SYNJ1: variants seen among roughly 807,000 people sequenced by gnomAD.
The protein encoded by SYNJ1 is synaptojanin 1, also known as polyphosphatidylinositol phosphatase SYNJ1.
In SYNJ1, 78 loss-of-function variants were observed where a neutral mutation model predicts 168.2. The observed-to-expected ratio is 0.46, with a 90% confidence interval of 0.39 to 0.56. SYNJ1 has a LOEUF of 0.56. Ranked by LOEUF, SYNJ1 falls within the 20% of genes least tolerant of loss-of-function variation. SYNJ1 has a pLI of 0.00. For missense variants in SYNJ1, 1,303 were observed against 1,597.6 expected, an observed-to-expected ratio of 0.82 and a Z score of 3.14; for synonymous variants, 539 against 548.6, an observed-to-expected ratio of 0.98 and a Z score of 0.24.
chr21:32,659,967 G>A (rs1021585450), intron 18 of SYNJ1, among the ~76,000 whole-genome samples: 3 of 152,182 alleles, frequency 2.0e-5, no homozygotes, highest in African/African-American at 4.8e-5. Flanking sequence ...GAGCACTTCC[G>A]GGTAGGTAAT....
chr21:32,725,698 A>G (rs1011038760), intron 2 of SYNJ1, among the ~76,000 whole-genome samples: 1 of 152,176 alleles, frequency 6.6e-6, no homozygotes, highest in Non-Finnish European at 1.5e-5. Context: ...TAGTAGTTTA[A>G]GATATTTAAG....
intron 3 of SYNJ1, among the ~76,000 whole-genome samples, chr21:32,701,433 C>A (rs931334557): frequency 6.6e-6 from 1 of 151,250 alleles, no homozygotes; most frequent in Non-Finnish European, 1.5e-5. Flanking sequence ...GGATCAATAA[C>A]AAAATGATTT....
chr21:32,666,159 C>T (rs563431502), intron 16 of SYNJ1, 24 bp from the exon 17 acceptor site: 31 of 1,571,150 alleles, frequency 2.0e-5, no homozygotes, highest in Non-Finnish European at 2.2e-5. Context: ...AATTCTAAAT[C>T]GCAGATTTGA....
intron 22 of SYNJ1, among the ~76,000 whole-genome samples, chr21:32,650,591 G>A (rs1456993636): frequency 6.6e-6 from 1 of 152,222 alleles, no homozygotes; most frequent in Non-Finnish European, 1.5e-5. Flanking sequence ...GCCCAGAGAT[G>A]CAAGTTTCCT....
intron 26 of SYNJ1, 139 bp downstream of exon 26, chr21:32,644,829 T>C: frequency 3.2e-6 from 3 of 943,734 alleles, no homozygotes; most frequent in Non-Finnish European, 4.7e-6. Context: ...ATGAAAGCCT[T>C]TATTAGTTTT....
intron 22 of SYNJ1, 115 bp from the exon 23 acceptor site, chr21:32,650,461 C>T: frequency 2.4e-6 from 2 of 817,864 alleles, no homozygotes; most frequent in Non-Finnish European, 3.6e-6. Context: ...TTTAGTTAGA[C>T]AATTCAGCTA....
At chr21:32,709,731 T>C (rs565867698) in intron 2 of SYNJ1, among the ~76,000 whole-genome samples, 151 of 151,818 alleles carry the variant, frequency 9.9e-4, no homozygotes, top group African/African-American at 3.5e-3. Flanking sequence ...TTGGCTAGGC[T>C]GGTCTTGAAC....
rs931173780 is a variant in SYNJ1, at chr21:32,673,732, T to TA, written c.1535-202dup. ...ATGAGGCAATTAACCAACACATCTTTAAAAAAAAAAAAAAGTCAACATTAA... is the reference window on the plus strand; with the variant it reads ...ATGAGGCAATTAACCAACACATCTTTAAAAAAAAAAAAAAAGTCAACATTAA... On this transcript the variant is annotated intron_variant, in intron 13 of 32. Coordinates refer to ENST00000674351, the MANE Select transcript of SYNJ1 (RefSeq NM_203446.3). Among the ~76,000 whole-genome samples the TA allele has an allele frequency of 8.0e-3, 1,034 of 128,962 alleles. 5 individuals are homozygous for TA. Among genetic ancestry groups the TA allele is most frequent in the Middle Eastern group, 0.012 (3 of 248 alleles). The allele number at this position is 128,962 out of a possible 152,430, so 84.6% of individuals were successfully genotyped here.
intron 2 of SYNJ1, among the ~76,000 whole-genome samples, chr21:32,722,189 G>GA (rs869294126): frequency 0.015 from 1,639 of 112,482 alleles, 22 homozygotes; most frequent in Non-Finnish European, 0.021. Flanking sequence ...CCATCTCAAA[G>GA]AAAAAAAAAA....
At position 32,656,880 on chromosome 21, in the gene SYNJ1, T is replaced by C. The variant is rs2040477379; in HGVS notation, c.2602A>G (p.Ile868Val). Residue 868 changes from isoleucine to valine, a missense_variant, in exon 21 of 33, where the codon ATA (isoleucine) becomes GTA (valine). Physicochemically the swap from Ile to Val is conservative, Grantham distance 29. Around this residue, in one of 2 missense-constraint regions of SYNJ1, gnomAD observed 920 missense variants for 1,208.8 expected, o/e 0.76. Transcript: ENST00000674351. ...DHRPVVALID[I>V]DIFEVEAEER... ...TCAGCTTCAACTTCAAATATATCTA[T>C]ATCAATCAGGGCAACGACAGGCCTT... The C allele has an allele frequency of 1.9e-6, 3 of 1,614,038 alleles. No individual in the cohort carries two copies. The highest frequency in any genetic ancestry group is 2.7e-5 in the African/African-American group (2 of 74,936).
At chr21:32,634,528 C>A (rs550887720) in intron 32 of SYNJ1, among the ~76,000 whole-genome samples, 12 of 152,126 alleles carry the variant, frequency 7.9e-5, no homozygotes, top group Admixed American at 3.3e-4. Flanking sequence ...ACATAAATGC[C>A]ATTGTTAAAA....
At chr21:32,725,239 C>A (rs2043402696) in intron 2 of SYNJ1, among the ~76,000 whole-genome samples, 1 of 152,132 alleles carries the variant, frequency 6.6e-6, no homozygotes. Flanking sequence ...CCAAAAAACA[C>A]AAGCAGCTGA....
rs945291627 is a variant in SYNJ1 at position 32,643,967 on chromosome 21, G to C, written c.3431-510C>G. 4.6e-5 allele frequency among the ~76,000 whole-genome samples: 7 copies of C among 152,176 alleles called. No individual in the cohort carries two copies. The East Asian group carries it at 1.3e-3, about 29-fold the overall frequency. On this transcript the variant is annotated intron_variant, in intron 26 of 32. Coordinates refer to ENST00000674351, the MANE Select transcript of SYNJ1 (RefSeq NM_203446.3). ...CATGTTGCAAACACTACTTACAAAA[G>C]AATTATGAAGGGGAGCAATTTTTAA...
chr21:32,685,315 G>A (rs1432624536), intron 9 of SYNJ1, among the ~76,000 whole-genome samples: 1 of 150,622 alleles, frequency 6.6e-6, no homozygotes, highest in Non-Finnish European at 1.5e-5. Flanking sequence ...GGATGGGTGA[G>A]ATGGCTCATG....
At chr21:32,698,034 T>C (rs893070489) in intron 4 of SYNJ1, among the ~76,000 whole-genome samples, 2 of 152,314 alleles carry the variant, frequency 1.3e-5, no homozygotes, top group East Asian at 3.9e-4. Flanking sequence ...GTTTTAACTC[T>C]TGGAAGCCTA....
rs1216706794 is a variant in SYNJ1, at chr21:32,726,935, A to T, written c.-22-18T>A. On this transcript the variant is annotated intron_variant, in intron 1 of 32. Transcript: ENST00000674351. ...AGGCAGCCCTGCGAAAACCAAGCAA[A>T]GCAAAGCAAATGAAGCTGATGTTTC... 3 of 1,612,776 alleles carry T rather than the reference A, an allele frequency of 1.9e-6. No homozygotes were observed. In the South Asian group the frequency reaches 3.3e-5, roughly 18 times the overall value.
In SYNJ1 at chr21:32,665,085, G is replaced by C. The variant is rs775638018; in HGVS notation, c.2146-14C>G. ...TAGCATCCTTCCCTGAAAGCAATGAGATAGAATTTTAAATTCAAAACAATC... is the reference window on the plus strand; with the variant it reads ...TAGCATCCTTCCCTGAAAGCAATGACATAGAATTTTAAATTCAAAACAATC... On this transcript the variant is annotated splice_polypyrimidine_tract_variant and intron_variant, in intron 17 of 32. Coordinates refer to ENST00000674351, the MANE Select transcript of SYNJ1 (RefSeq NM_203446.3). The C allele has an allele frequency of 1.9e-6, 3 of 1,570,086 alleles. No homozygotes were observed. In the East Asian group the frequency reaches 6.8e-5, roughly 35 times the overall value.
At chr21:32,707,957 C>T (rs934770127) in intron 2 of SYNJ1, among the ~76,000 whole-genome samples, 6 of 152,132 alleles carry the variant, frequency 3.9e-5, no homozygotes, top group African/African-American at 1.4e-4. Flanking sequence ...GCGGAGGTTG[C>T]AGTGAGCCAA....
intron 2 of SYNJ1, among the ~76,000 whole-genome samples, chr21:32,705,039 C>T (rs1413741586): frequency 6.6e-6 from 1 of 151,578 alleles, no homozygotes; most frequent in East Asian, 1.9e-4. Flanking sequence ...GTCCCAGCTA[C>T]TCGGGAAGTT....
Sources: allele counts gnomAD v4.1 joint callset (sites outside exome capture counted in the v4.1 genomes callset), GRCh38; gene constraint gnomAD v4.1.1; regional missense constraint gnomAD v4.1.1; transcripts MANE v1.5; gene names NCBI Gene and HGNC (gene_info 2026-07-23, HGNC 2026-07-21).